Variants in SND1 observed in about 807,000 individuals in gnomAD.
The protein encoded by SND1 is staphylococcal nuclease domain-containing protein 1.
A neutral mutation model predicts 121.7 loss-of-function variants in SND1; 38 were observed. The observed-to-expected ratio is 0.31, with a 90% CI of 0.24 to 0.41. The LOEUF (loss-of-function observed/expected upper bound fraction) is 0.41, where lower values mean the gene tolerates loss of function less well. Among genes scored for constraint, SND1 ranks in the 10% least tolerant of loss-of-function variants. SND1 has a pLI of 1.00. For missense variants in SND1, 868 were observed against 1,184.6 expected (o/e 0.73, Z 3.92); for synonymous variants, 401 against 447.4 (o/e 0.90, Z 1.31).
At chr7:128,059,446 A>T (rs1418051455) in intron 16 of SND1, among the ~76,000 whole-genome samples, 1 of 152,210 alleles carries the variant, frequency 6.6e-6, no homozygotes, top group Admixed American at 6.5e-5. Context: ...AAGATAACAA[A>T]AACCCATTTC....
Position 127,703,204 on chromosome 7 carries a change from C to A in SND1, c.721C>A (p.Pro241Thr), listed in dbSNP as rs1439661762. ...FRREADGSET[P>T]EPFAAEAKFF... Reference sequence around the variant, plus strand: ...ACGGGAAGCAGATGGCAGTGAAACTCCAGAGCCTTTTGCTGCAGAAGCCAA... The same window carrying A: ...ACGGGAAGCAGATGGCAGTGAAACTACAGAGCCTTTTGCTGCAGAAGCCAA... Residue 241 changes from proline (P) to threonine (T), a missense_variant, in exon 7 of 24, where the codon CCA (proline) becomes ACA (threonine). Physicochemically the swap from Pro to Thr is conservative, Grantham distance 38. Transcript: ENST00000354725. 1 of 1,614,080 alleles carries A rather than the reference C, an allele frequency of 6.2e-7. No individual in the cohort carries two copies. Among genetic ancestry groups the A allele is most frequent in the Non-Finnish European group, 8.5e-7 (1 of 1,179,972 alleles).
At chr7:127,877,733 G>A (rs928424304) in intron 12 of SND1, among the ~76,000 whole-genome samples, 1 of 152,010 alleles carries the variant, frequency 6.6e-6, no homozygotes, top group Non-Finnish European at 1.5e-5. Context: ...GCGTCCAGCC[G>A]ATCACCCACT....
At chr7:128,046,865 TAAAG>T (rs1279356417) in intron 16 of SND1, among the ~76,000 whole-genome samples, 3 of 152,210 alleles carry the variant, frequency 2.0e-5, no homozygotes, top group African/African-American at 7.2e-5. Context: ...CCAATAGAAA[TAAAG>T]AATATATTCA....
intron 18 of SND1, among the ~76,000 whole-genome samples, chr7:128,084,399 A>G (rs778731551): frequency 6.6e-6 from 1 of 151,960 alleles, no homozygotes; most frequent in African/African-American, 2.4e-5. Flanking sequence ...TTCTTTCTCC[A>G]CCTCCTTAAT....
intron 15 of SND1, among the ~76,000 whole-genome samples, chr7:127,941,005 C>T (rs923566188): frequency 2.0e-5 from 3 of 152,234 alleles, no homozygotes; most frequent in Non-Finnish European, 2.9e-5. Context: ...CTCTTCGTCT[C>T]AGTGCTGTGG....
At chr7:127,747,564 C>T (rs1797003039) in intron 10 of SND1, among the ~76,000 whole-genome samples, 1 of 152,108 alleles carries the variant, frequency 6.6e-6, no homozygotes, top group African/African-American at 2.4e-5. Flanking sequence ...CATGTCCAGC[C>T]TGGAAGATCC....
chr7:127,874,711 G>A (rs1029991787), intron 12 of SND1, among the ~76,000 whole-genome samples: 4 of 151,770 alleles, frequency 2.6e-5, no homozygotes, highest in Non-Finnish European at 5.9e-5. Flanking sequence ...AAAAAGAAGG[G>A]GTCATCAGAC....
At position 127,755,969 on chromosome 7, in the gene SND1, C is replaced by T. The variant is rs1410071402; in HGVS notation, c.1152+34569C>T. 2.6e-5 allele frequency among the ~76,000 whole-genome samples: 4 copies of T among 152,096 alleles called. 1 individual carries two copies. In the South Asian group the frequency reaches 6.2e-4, roughly 24 times the overall value. On this transcript the variant is annotated intron_variant, in intron 10 of 23. Transcript: ENST00000354725. ...TGGGAAGTCTATTAATTTTTTTAAA[C>T]AATGTTTAGTGTTTCCATTTGTTTT... is the stretch of plus-strand genomic sequence containing the variant.
chr7:127,788,918 T>G (rs1303149674), intron 10 of SND1, among the ~76,000 whole-genome samples: 1 of 152,218 alleles, frequency 6.6e-6, no homozygotes, highest in Non-Finnish European at 1.5e-5. Context: ...TTTCAAGCAT[T>G]TAGGCACTTC....
At chr7:127,940,099 G>A (rs754088484) in intron 15 of SND1, among the ~76,000 whole-genome samples, 16 of 151,996 alleles carry the variant, frequency 1.1e-4, no homozygotes, top group South Asian at 2.1e-4. Context: ...ACTTTAAAGC[G>A]CGTTCTGTCT....
chr7:127,781,371 G>C (rs766703), intron 10 of SND1, among the ~76,000 whole-genome samples: 152,204 of 152,306 alleles, frequency 1, 76,051 homozygotes, highest in Non-Finnish European at 1. Context: ...GGCAATCATC[G>C]TTCCTCCCCG....
chr7:127,703,268 A>G lies in SND1; in HGVS notation c.785A>G (p.Gln262Arg), dbSNP rs774909892. Residue 262 changes from glutamine to arginine, a missense_variant, in exon 7 of 24, where the codon CAG (glutamine) becomes CGG (arginine). Around this residue, in one of 2 missense-constraint regions of SND1, gnomAD observed 743 missense variants for 1,071.3 expected, o/e 0.69. Coordinates refer to ENST00000354725, the MANE Select transcript of SND1 (RefSeq NM_014390.4). ...TCGCGACTGCTTCAGAGAGATGTTC[A>G]GATCATTCTGGAGAGCTGCCACAAC... is the stretch of plus-strand genomic sequence containing the variant. ...TESRLLQRDV[Q>R]IILESCHNQN... 6.2e-7 allele frequency: 1 copy of G among 1,614,204 alleles called. No homozygotes were observed.
chr7:128,085,397 G>A lies in SND1; in HGVS notation c.2235-314G>A, dbSNP rs1418848232. Among the ~76,000 whole-genome samples the A allele has an allele frequency of 6.6e-6, 1 of 152,198 alleles. No homozygotes were observed. The highest frequency in any genetic ancestry group is 1.5e-5 in the Non-Finnish European group (1 of 68,036). On this transcript the variant is annotated intron_variant, in intron 19 of 23. Coordinates refer to ENST00000354725, the MANE Select transcript of SND1 (RefSeq NM_014390.4). The surrounding 1 kb of genome is among the most constrained non-coding windows in gnomAD (Gnocchi z 4.4). ...GCAGATCTGCTGGCTAATTACAGCTGCTGTTTAGTGCACTGGGTTTAAACA... is the reference window on the plus strand; with the variant it reads ...GCAGATCTGCTGGCTAATTACAGCTACTGTTTAGTGCACTGGGTTTAAACA...
At chr7:127,945,184 C>T (rs137954186) in intron 15 of SND1, among the ~76,000 whole-genome samples, 217 of 152,308 alleles carry the variant, frequency 1.4e-3, no homozygotes, top group African/African-American at 3.8e-3. Context: ...TCTTGGCTAA[C>T]GTTTTGACTC....
intron 15 of SND1, among the ~76,000 whole-genome samples, chr7:127,971,598 A>C (rs1801988204): frequency 6.6e-6 from 1 of 152,152 alleles, no homozygotes; most frequent in Admixed American, 6.5e-5. Flanking sequence ...CACTGGGTTT[A>C]CAAACACCAG....
intron 9 of SND1, among the ~76,000 whole-genome samples, chr7:127,713,332 A>G (rs967682079): frequency 6.6e-6 from 1 of 152,270 alleles, no homozygotes; most frequent in African/African-American, 2.4e-5. Flanking sequence ...AAAAAAATAC[A>G]TGCATTACTT....
At chr7:127,797,115 A>T (rs1326936242) in intron 10 of SND1, among the ~76,000 whole-genome samples, 1 of 151,280 alleles carries the variant, frequency 6.6e-6, no homozygotes, top group Non-Finnish European at 1.5e-5. Context: ...CCGGTCTTGA[A>T]CTCTTGACCT....
At chr7:128,062,311 T>C (rs1358517587) in intron 16 of SND1, among the ~76,000 whole-genome samples, 1 of 152,098 alleles carries the variant, frequency 6.6e-6, no homozygotes, top group Non-Finnish European at 1.5e-5. Context: ...TAAGGACAGG[T>C]AGGAGTGAGT....
rs576362072 is a variant in SND1, at chr7:128,044,405, A to G, written c.1780-30097A>G. On this transcript the variant is annotated intron_variant, in intron 16 of 23. Coordinates refer to ENST00000354725, the MANE Select transcript of SND1 (RefSeq NM_014390.4). ...CCTGATTTCCAGAGACCTTTGTCCCATGGGATAGGTAAGATGAGCAGAAAA... is the reference window on the plus strand; with the variant it reads ...CCTGATTTCCAGAGACCTTTGTCCCGTGGGATAGGTAAGATGAGCAGAAAA... 2.0e-5 allele frequency among the ~76,000 whole-genome samples: 3 copies of G among 152,326 alleles called. No individual in the cohort carries two copies. The South Asian group carries it at 6.2e-4, about 32-fold the overall frequency.
Sources: gnomAD v4.1 joint callset for allele counts (sites outside exome capture counted in the v4.1 genomes callset) on GRCh38, gnomAD v4.1.1 for gene constraint, gnomAD v4.1.1 regional missense constraint, Gnocchi (gnomAD v3.1) non-coding constraint, MANE v1.5 for transcripts, NCBI Gene and HGNC (gene_info 2026-07-23, HGNC 2026-07-21) for gene names.